Variants in KHDRBS3 observed in about 807,000 individuals in gnomAD.
The protein encoded by KHDRBS3 is KH RNA binding domain containing, signal transduction associated 3.
Under a neutral mutation model 45.6 loss-of-function variants are expected in KHDRBS3, and 23 were observed. The ratio of observed to expected loss-of-function variants is 0.50; its 90% CI spans 0.36 to 0.72. KHDRBS3 has a LOEUF of 0.72. Among genes scored for constraint, KHDRBS3 ranks in the 30% least tolerant of loss-of-function variants. The pLI, the probability that KHDRBS3 is intolerant of heterozygous loss-of-function variation, is 0.00. For missense variants in KHDRBS3, 352 were observed against 424.8 expected, an observed-to-expected ratio of 0.83 and a Z score of 1.51; for synonymous variants, 162 against 156.5, an observed-to-expected ratio of 1.04 and a Z score of -0.26.
intron 7 of KHDRBS3, among the ~76,000 whole-genome samples, chr8:135,620,810 T>A (rs568579395): frequency 9.2e-5 from 14 of 152,284 alleles, no homozygotes; most frequent in African/African-American, 3.1e-4. Flanking sequence ...GGCTTCTGTG[T>A]TTCCGCAATG....
At chr8:135,458,014 G>C in intron 1 of KHDRBS3, 60 bp downstream of exon 1, 1 of 1,505,082 alleles carries the variant, frequency 6.6e-7, no homozygotes, top group African/African-American at 1.4e-5. Flanking sequence ...GGAAACGCGG[G>C]GGCCCAGGGG....
intron 1 of KHDRBS3, among the ~76,000 whole-genome samples, chr8:135,490,083 T>C (rs1358282538): frequency 6.6e-6 from 1 of 152,162 alleles, no homozygotes; most frequent in Non-Finnish European, 1.5e-5. Context: ...GGTTTGTAGT[T>C]TAGGAATAAA....
chr8:135,641,164 T>C (rs561728804), intron 7 of KHDRBS3, among the ~76,000 whole-genome samples: 1 of 152,198 alleles, frequency 6.6e-6, no homozygotes, highest in African/African-American at 2.4e-5. Context: ...TAAAAAACAT[T>C]CTTTACCCTC....
At chr8:135,638,314 A>G (rs750053409) in intron 7 of KHDRBS3, among the ~76,000 whole-genome samples, 9 of 152,184 alleles carry the variant, frequency 5.9e-5, no homozygotes, top group Non-Finnish European at 1.0e-4. Flanking sequence ...CACCCTCTGG[A>G]GGACCCAGGA....
intron 5 of KHDRBS3, among the ~76,000 whole-genome samples, chr8:135,569,868 G>A (rs1033393690): frequency 3.3e-5 from 5 of 152,082 alleles, no homozygotes. Flanking sequence ...ACCCAGCCTG[G>A]TCCCCTCTGT....
intron 5 of KHDRBS3, among the ~76,000 whole-genome samples, chr8:135,566,814 C>T (rs550772270): frequency 2.6e-5 from 4 of 152,218 alleles, no homozygotes; most frequent in East Asian, 1.9e-4. Context: ...TGCAGTGAGC[C>T]GAGATGGTTA....
chr8:135,635,679 G>A (rs376861560), intron 7 of KHDRBS3, among the ~76,000 whole-genome samples: 2 of 152,090 alleles, frequency 1.3e-5, no homozygotes, highest in Non-Finnish European at 2.9e-5. Flanking sequence ...CACTGCACCC[G>A]GCCTGGCAGG....
chr8:135,603,470 A>G (rs972378019), intron 6 of KHDRBS3, among the ~76,000 whole-genome samples: 1 of 152,238 alleles, frequency 6.6e-6, no homozygotes, highest in Non-Finnish European at 1.5e-5. Flanking sequence ...TTGGAAGATC[A>G]TACTCAAATT....
chr8:135,639,828 T>C (rs1379655078), intron 7 of KHDRBS3, among the ~76,000 whole-genome samples: 1 of 152,134 alleles, frequency 6.6e-6, no homozygotes, highest in Non-Finnish European at 1.5e-5. Context: ...CGAGGGGATG[T>C]TGCTAAACCA....
chr8:135,655,718 G>A (rs1055289768), intron 4 of KHDRBS3, among the ~76,000 whole-genome samples: 5 of 138,518 alleles, frequency 3.6e-5, no homozygotes, highest in Admixed American at 7.6e-5. Context: ...TCTCTGCTGC[G>A]ATTGGGTTTT....
chr8:135,528,257 G>T (rs1046720548), intron 2 of KHDRBS3, among the ~76,000 whole-genome samples: 2 of 152,146 alleles, frequency 1.3e-5, no homozygotes, highest in Non-Finnish European at 2.9e-5. Context: ...ATCTTTGAGA[G>T]ATAAAACATG....
At chr8:135,529,789 G>A (rs536295196) in intron 2 of KHDRBS3, among the ~76,000 whole-genome samples, 9 of 152,210 alleles carry the variant, frequency 5.9e-5, no homozygotes, top group African/African-American at 1.2e-4. Context: ...GGCTGGGTGC[G>A]GTGGCTCATG....
chr8:135,482,736 TA>T (rs1406716801), intron 1 of KHDRBS3, among the ~76,000 whole-genome samples: 2 of 152,142 alleles, frequency 1.3e-5, no homozygotes, highest in East Asian at 3.8e-4. Flanking sequence ...CTGCAGCTAT[TA>T]GCTGTGAGGA....
intron 7 of KHDRBS3, among the ~76,000 whole-genome samples, chr8:135,643,806 G>A (rs1184106471): frequency 6.6e-6 from 1 of 152,228 alleles, no homozygotes; most frequent in Non-Finnish European, 1.5e-5. Context: ...CTGGTCTGCA[G>A]TATCCTTATC....
rs1282259640 is a variant in KHDRBS3 at position 135,526,044 on chromosome 8, G to C, written c.207+4689G>C. Among the ~76,000 whole-genome samples the C allele has an allele frequency of 2.6e-5, 4 of 152,154 alleles. No homozygotes were observed. The East Asian group carries it at 5.8e-4, about 22-fold the overall frequency. On this transcript the variant is annotated intron_variant, in intron 2 of 8. Coordinates refer to ENST00000355849, the MANE Select transcript of KHDRBS3 (RefSeq NM_006558.3). ...TACCATTGTGTGACAATTGCTTATA[G>C]TACTTAGTACAGTAGCATGAGGTAC...
At chr8:135,557,088 G>T (rs2130830142) in intron 4 of KHDRBS3, among the ~76,000 whole-genome samples, 1 of 152,172 alleles carries the variant, frequency 6.6e-6, no homozygotes, top group South Asian at 2.1e-4. Flanking sequence ...TCTGTTACTT[G>T]GTTCATTATA....
intron 1 of KHDRBS3, among the ~76,000 whole-genome samples, chr8:135,514,792 G>T (rs1824486560): frequency 6.6e-6 from 1 of 152,062 alleles, no homozygotes; most frequent in Admixed American, 6.5e-5. Flanking sequence ...TCTAACCTTT[G>T]CAAACTTCTT....
Position 135,647,220 on chromosome 8 carries a change from C to T in KHDRBS3, c.*136C>T. On this transcript the variant is annotated 3_prime_UTR_variant, in exon 9 of 9. Transcript: ENST00000355849. Reference sequence around the variant, plus strand: ...TCTGAATGGATGGAACTTAAAACTACTTTGTTGAAACATCAACCTGGGCAG... The same window carrying T: ...TCTGAATGGATGGAACTTAAAACTATTTTGTTGAAACATCAACCTGGGCAG... The T allele has an allele frequency of 3.2e-6, 1 of 312,546 alleles. No individual in the cohort carries two copies. Among genetic ancestry groups the T allele is most frequent in the Non-Finnish European group, 5.7e-6 (1 of 174,934 alleles). 19.4% of individuals were successfully genotyped at this position (312,546 alleles called of 1,614,324 possible). A position where few individuals can be genotyped will look rare whatever the true frequency, so the allele number is the denominator to read the frequency against.
chr8:135,642,293 C>T (rs982964326), intron 7 of KHDRBS3, among the ~76,000 whole-genome samples: 4 of 152,164 alleles, frequency 2.6e-5, no homozygotes, highest in African/African-American at 9.7e-5. Flanking sequence ...TAGGTGCTGC[C>T]ACTTATAAGT....
Sources: gnomAD v4.1 joint callset for allele counts (sites outside exome capture counted in the v4.1 genomes callset) on GRCh38, gnomAD v4.1.1 for gene constraint, MANE v1.5 for transcripts, NCBI Gene and HGNC (gene_info 2026-07-23, HGNC 2026-07-21) for gene names.